CERS3: variants seen among roughly 807,000 people sequenced by gnomAD.
The protein encoded by CERS3 is ceramide synthase 3, also known as LAG1 homolog, ceramide synthase 3.
CERS3 carries 33 observed loss-of-function variants against 50.3 expected under a neutral mutation model. The observed-to-expected ratio is 0.66, with a 90% CI of 0.50 to 0.88. The LOEUF is 0.88. Among genes scored for constraint, CERS3 ranks in the 40% least tolerant of loss-of-function variants. CERS3 has a pLI of 0.00. For synonymous variants in CERS3, 176 were observed against 155.2 expected, an observed-to-expected ratio of 1.13 and a Z score of -0.99; for missense variants, 470 against 460.3, an observed-to-expected ratio of 1.02 and a Z score of -0.19.
At chr15:100,415,804 AGGGAG>A (rs1041217363) in intron 11 of CERS3, among the ~76,000 whole-genome samples, 11 of 28,612 alleles carry the variant, frequency 3.8e-4, no homozygotes, top group Middle Eastern at 0.02. Context: ...GCAGGGAGTG[AGGGAG>A]GGGAGGGAGC....
At chr15:100,487,586 A>G (rs1048256758) in intron 4 of CERS3, among the ~76,000 whole-genome samples, 16 of 152,196 alleles carry the variant, frequency 1.1e-4, no homozygotes, top group Non-Finnish European at 2.4e-4. Context: ...GGGTTGGAAC[A>G]TGCAGGAAAG....
At chr15:100,405,793 C>T (rs759610433) in intron 11 of CERS3, among the ~76,000 whole-genome samples, 4 of 152,150 alleles carry the variant, frequency 2.6e-5, no homozygotes, top group African/African-American at 4.8e-5. Context: ...CAAAACTCTA[C>T]ATCAACAGAA....
At chr15:100,408,120 C>T (rs1308350637) in intron 11 of CERS3, among the ~76,000 whole-genome samples, 1 of 152,148 alleles carries the variant, frequency 6.6e-6, no homozygotes, top group Non-Finnish European at 1.5e-5. Flanking sequence ...GATCCACCCA[C>T]CCTGGCCTCC....
At chr15:100,520,303 C>T (rs139765920) in intron 2 of CERS3, among the ~76,000 whole-genome samples, 1 of 152,282 alleles carries the variant, frequency 6.6e-6, no homozygotes, top group East Asian at 1.9e-4. Context: ...GGGCTGGTGC[C>T]TCCATTTGTA....
At chr15:100,462,333 T>A (rs934196581) in intron 10 of CERS3, among the ~76,000 whole-genome samples, 1 of 152,222 alleles carries the variant, frequency 6.6e-6, no homozygotes, top group African/African-American at 2.4e-5. Flanking sequence ...GCAGTGTTGG[T>A]ATAAATATTA....
rs139808682 is a variant in CERS3 at position 100,474,619 on chromosome 15, G to A, written c.609+1467C>T. On this transcript the variant is annotated intron_variant, in intron 8 of 11. Transcript: ENST00000679737. ...AGGATTTCACCATGTTGGCCAGGAT[G>A]GCCTCGATCTCTTGACCTCATGATC... Among the ~76,000 whole-genome samples the A allele has an allele frequency of 1.3e-3, 198 of 152,260 alleles. 2 individuals are homozygous for A. The highest frequency in any genetic ancestry group is 3.9e-3 in the African/African-American group (163 of 41,548).
intron 8 of CERS3, among the ~76,000 whole-genome samples, chr15:100,473,854 A>C (rs770082530): frequency 1.8e-4 from 27 of 152,240 alleles, no homozygotes; most frequent in Non-Finnish European, 3.2e-4. Context: ...AGCATTACTC[A>C]TAACAGCCAA....
At position 100,523,174 on chromosome 15, in the gene CERS3, G is replaced by C. The variant is rs375704660; in HGVS notation, c.-91-1418C>G. 3.3e-5 allele frequency among the ~76,000 whole-genome samples: 5 copies of C among 152,226 alleles called. 1 individual carries two copies. Among genetic ancestry groups the C allele is most frequent in the African/African-American group, 1.2e-4 (5 of 41,530 alleles). Reference sequence around the variant, plus strand: ...TCTTGCCCATTTTTCTGTTGTGGCGGTCTATCTTTCAAAATTGCCTTGTTT... The same window carrying C: ...TCTTGCCCATTTTTCTGTTGTGGCGCTCTATCTTTCAAAATTGCCTTGTTT... On this transcript the variant is annotated intron_variant, in intron 1 of 11. Coordinates refer to ENST00000679737, the MANE Select transcript of CERS3 (RefSeq NM_001378789.1).
At chr15:100,521,402 C>A (rs576905871) in intron 2 of CERS3, among the ~76,000 whole-genome samples, 4 of 152,314 alleles carry the variant, frequency 2.6e-5, no homozygotes, top group Non-Finnish European at 5.9e-5. Context: ...GCACAGACAG[C>A]AAATGCCACC....
chr15:100,438,072 C>T (rs538006525), intron 11 of CERS3, among the ~76,000 whole-genome samples: 107 of 127,006 alleles, frequency 8.4e-4, no homozygotes, highest in African/African-American at 3.1e-3. Flanking sequence ...TGGAGTCTCA[C>T]TCTGTCTCCC....
intron 11 of CERS3, among the ~76,000 whole-genome samples, chr15:100,453,335 G>T (rs952940921): frequency 2.6e-5 from 4 of 152,156 alleles, no homozygotes; most frequent in East Asian, 1.9e-4. Context: ...GGGATGCAAG[G>T]TTGGTTCAAT....
At chr15:100,448,397 G>A (rs2034023491) in intron 11 of CERS3, among the ~76,000 whole-genome samples, 1 of 152,206 alleles carries the variant, frequency 6.6e-6, no homozygotes, top group Non-Finnish European at 1.5e-5. Flanking sequence ...TCCCCAATGT[G>A]GGAAAAGGGT....
intron 1 of CERS3, among the ~76,000 whole-genome samples, chr15:100,538,990 A>C (rs2037138599): frequency 6.6e-6 from 1 of 152,136 alleles, no homozygotes; most frequent in Non-Finnish European, 1.5e-5. Context: ...TACTTTTGAG[A>C]AATTTCTTCC....
At chr15:100,483,787 AT>A (rs10622678) in intron 5 of CERS3, among the ~76,000 whole-genome samples, 2 of 100,038 alleles carry the variant, frequency 2.0e-5, no homozygotes, top group African/African-American at 7.7e-5. Context: ...TATTATTATT[AT>A]TTTTTTTTTT....
chr15:100,439,488 G>A (rs2033584098), intron 11 of CERS3, among the ~76,000 whole-genome samples: 2 of 152,180 alleles, frequency 1.3e-5, no homozygotes, highest in South Asian at 4.1e-4. Flanking sequence ...TCTGTTACAA[G>A]ATTTAAAAGA....
At chr15:100,436,633 T>C (rs2033420031) in intron 11 of CERS3, among the ~76,000 whole-genome samples, 1 of 151,866 alleles carries the variant, frequency 6.6e-6, no homozygotes, top group Admixed American at 6.6e-5. Flanking sequence ...GAGCTTAAAG[T>C]AAAATAAATA....
intron 2 of CERS3, among the ~76,000 whole-genome samples, chr15:100,518,977 C>T (rs935337765): frequency 4.6e-5 from 7 of 152,130 alleles, no homozygotes; most frequent in African/African-American, 1.4e-4. Context: ...GCCTGACCAA[C>T]ATGGTGAAAC....
chr15:100,503,652 G>A (rs2036077353), intron 2 of CERS3: 2 of 469,892 alleles, frequency 4.3e-6, no homozygotes, highest in Admixed American at 2.4e-5. Context: ...AAAATGATCA[G>A]TGGAATGAGG....
At chr15:100,493,565 A>G (rs1413555972) in intron 3 of CERS3, among the ~76,000 whole-genome samples, 2 of 152,178 alleles carry the variant, frequency 1.3e-5, no homozygotes, top group African/African-American at 4.8e-5. Context: ...CTTTTTGGAT[A>G]TGCAGATTCA....
Sources: gnomAD v4.1 joint callset for allele counts (sites outside exome capture counted in the v4.1 genomes callset) on GRCh38, gnomAD v4.1.1 for gene constraint, MANE v1.5 for transcripts, NCBI Gene and HGNC (gene_info 2026-07-23, HGNC 2026-07-21) for gene names.